The following NXNL2 variants were observed in gnomAD, a reference collection of about 807,000 sequenced individuals.
The protein encoded by NXNL2 is nucleoredoxin-like protein 2.
In NXNL2, 7 loss-of-function variants were observed where a neutral mutation model predicts 11.1. The ratio of observed to expected loss-of-function variants is 0.63; its 90% CI spans 0.36 to 1.18. NXNL2 has a LOEUF of 1.18. NXNL2 is among the 50% of genes most tolerant of loss of function. The pLI is 0.02. For synonymous variants in NXNL2, 109 were observed against 101.8 expected (o/e 1.07, Z -0.42); for missense variants, 233 against 217.7 (o/e 1.07, Z -0.44).
At position 88,544,697 on chromosome 9, in the gene NXNL2, A is replaced by T. The variant is rs866253863; in HGVS notation, c.*150A>T. ...ACTAAGCTGTGGTCAAAAAGCAACT[A>T]TTGCTCAGGAAATAATACACTCCAT... On this transcript the variant is annotated 3_prime_UTR_variant, in exon 2 of 2. Transcript: ENST00000375854. 2.1e-5 allele frequency: 30 copies of T among 1,411,010 alleles called. No individual in the cohort carries two copies. The Middle Eastern group carries it at 1.3e-3, about 62-fold the overall frequency. The allele number at this position is 1,411,010 out of a possible 1,614,324, so 87.4% of individuals were successfully genotyped here. A position where few individuals can be genotyped will look rare whatever the true frequency, so the allele number is the denominator to read the frequency against.
At chr9:88,550,926 C>G (rs1829921951) in intron 1 of NXNL2, among the ~76,000 whole-genome samples, 1 of 152,184 alleles carries the variant, frequency 6.6e-6, no homozygotes, top group South Asian at 2.1e-4. Context: ...AGGCTCTCGT[C>G]ACCTTCTTGT....
chr9:88,572,786 T>TAA (rs1830291917), intron 2 of NXNL2, among the ~76,000 whole-genome samples: 2 of 152,212 alleles, frequency 1.3e-5, no homozygotes, highest in Non-Finnish European at 2.9e-5. Flanking sequence ...GACAGCACCC[T>TAA]GGATATTGTT....
chr9:88,537,405 G>C (rs1243218494), intron 1 of NXNL2, among the ~76,000 whole-genome samples: 2 of 152,202 alleles, frequency 1.3e-5, no homozygotes. Flanking sequence ...GGTCAAGCCT[G>C]TGAGCTCCAG....
exon 3 of NXNL2, chr9:88,575,587 G>GT (rs1254782478): frequency 6.6e-6 from 1 of 152,190 alleles, no homozygotes; most frequent in Non-Finnish European, 1.5e-5. Flanking sequence ...AGAGTAGAAG[G>GT]TTGGTTACCA....
At chr9:88,570,398 G>A (rs77742760) in intron 1 of NXNL2, among the ~76,000 whole-genome samples, 8,223 of 152,246 alleles carry the variant, frequency 0.054, 358 homozygotes, top group African/African-American at 0.11. Flanking sequence ...GATTACAGGC[G>A]TGAGCCACCA....
chr9:88,567,239 A>G (rs1830188988), intron 1 of NXNL2, among the ~76,000 whole-genome samples: 1 of 152,044 alleles, frequency 6.6e-6, no homozygotes, highest in South Asian at 2.1e-4. Flanking sequence ...CCCAGGTTCA[A>G]TCCATTCTCC....
intron 1 of NXNL2, among the ~76,000 whole-genome samples, chr9:88,567,418 T>C (rs1830192536): frequency 1.3e-5 from 2 of 152,246 alleles, no homozygotes; most frequent in South Asian, 4.1e-4. Flanking sequence ...ATTACAGGCG[T>C]GAGCCACCGC....
At chr9:88,559,456 A>G (rs1830059283) in intron 1 of NXNL2, among the ~76,000 whole-genome samples, 1 of 152,332 alleles carries the variant, frequency 6.6e-6, no homozygotes, top group Admixed American at 6.5e-5. Flanking sequence ...ACCAGCCAGC[A>G]TCTGGTACTT....
intron 1 of NXNL2, among the ~76,000 whole-genome samples, chr9:88,544,085 C>T (rs1293181270): frequency 6.6e-6 from 1 of 152,146 alleles, no homozygotes; most frequent in East Asian, 1.9e-4. Flanking sequence ...GCAGGAGAAT[C>T]GCTTGAACGT....
chr9:88,540,160 GTC>G (rs1484926045), intron 1 of NXNL2, among the ~76,000 whole-genome samples: 1 of 151,886 alleles, frequency 6.6e-6, no homozygotes, highest in Non-Finnish European at 1.5e-5. Context: ...GTGAAACCCT[GTC>G]TCTACTAAAA....
chr9:88,545,892 G>A (rs192378670), downstream of NXNL2, among the ~76,000 whole-genome samples: 495 of 151,980 alleles, frequency 3.3e-3, 5 homozygotes, highest in African/African-American at 0.011. Flanking sequence ...TCAGCCTCCC[G>A]AGTAGCTGGG....
exon 3 of NXNL2, chr9:88,575,639 G>A (rs560528202): frequency 2.0e-5 from 3 of 152,094 alleles, no homozygotes; most frequent in Non-Finnish European, 4.4e-5. Flanking sequence ...AGGTGGGAAT[G>A]GTTAATAGGT....
chr9:88,556,380 A>G (rs1830011014), intron 1 of NXNL2, among the ~76,000 whole-genome samples: 2 of 152,086 alleles, frequency 1.3e-5, no homozygotes, highest in South Asian at 4.1e-4. Flanking sequence ...ACAAGCGGAG[A>G]GTCAGCAAGG....
Position 88,573,917 on chromosome 9 carries a change from G to A in NXNL2, c.*17-1170G>A, listed in dbSNP as rs144552294. Among the ~76,000 whole-genome samples the A allele has an allele frequency of 7.3e-3, 1,117 of 152,328 alleles. 6 individuals are homozygous for A. Among genetic ancestry groups the A allele is most frequent in the Middle Eastern group, 0.02 (6 of 294 alleles). On this transcript the variant is annotated intron_variant, in intron 2 of 2. Transcript: ENST00000375855. ...CAAATGAATGCAAATCAAAGGCACCGTGAGATACCACCTCCCTGCCACTAG... is the reference window on the plus strand; with the variant it reads ...CAAATGAATGCAAATCAAAGGCACCATGAGATACCACCTCCCTGCCACTAG...
chr9:88,558,619 G>A (rs559289759), intron 1 of NXNL2, among the ~76,000 whole-genome samples: 22 of 152,054 alleles, frequency 1.4e-4, no homozygotes, highest in Non-Finnish European at 2.1e-4. Flanking sequence ...AGAAGAGGCC[G>A]TCTTGTGGGA....
chr9:88,580,209 A>G (rs1257111654), downstream of NXNL2, among the ~76,000 whole-genome samples: 1 of 148,750 alleles, frequency 6.7e-6, no homozygotes, highest in African/African-American at 2.5e-5. Flanking sequence ...GCTGGAGTAC[A>G]GTGGTGAAAT....
At chr9:88,542,984 G>A (rs2118419454) in intron 1 of NXNL2, among the ~76,000 whole-genome samples, 1 of 152,322 alleles carries the variant, frequency 6.6e-6, no homozygotes, top group African/African-American at 2.4e-5. Context: ...CCTGGCCATG[G>A]TAAACAGGAA....
intron 1 of NXNL2, among the ~76,000 whole-genome samples, chr9:88,542,351 C>T (rs1312028052): frequency 3.3e-5 from 5 of 151,910 alleles, no homozygotes; most frequent in Non-Finnish European, 5.9e-5. Context: ...TGCAGTGGCG[C>T]GATCTCGGCT....
chr9:88,556,248 T>C (rs1830009419), intron 1 of NXNL2, among the ~76,000 whole-genome samples: 1 of 152,176 alleles, frequency 6.6e-6, no homozygotes, highest in Non-Finnish European at 1.5e-5. Flanking sequence ...TGCTGCTTCC[T>C]GTCACATGGG....
Sources: allele counts gnomAD v4.1 joint callset (sites outside exome capture counted in the v4.1 genomes callset), GRCh38; gene constraint gnomAD v4.1.1; transcripts MANE v1.5; gene names NCBI Gene and HGNC (gene_info 2026-07-23, HGNC 2026-07-21).